NRXN3: variants seen among roughly 807,000 people sequenced by gnomAD.
NRXN3 encodes neurexin 3, also known as neurexin III.
A neutral mutation model predicts 137.6 loss-of-function variants in NRXN3; 32 were observed. The observed-to-expected ratio is 0.23, with a 90% CI of 0.18 to 0.31. The LOEUF (loss-of-function observed/expected upper bound fraction) is 0.31, where lower values mean the gene tolerates loss of function less well. NRXN3 is among the 10% of genes least tolerant of loss of function. The pLI is 1.00. For synonymous variants in NRXN3, 798 were observed against 784.5 expected (o/e 1.02, Z -0.29); for missense variants, 1,574 against 2,062.5 (o/e 0.76, Z 4.59).
chr14:78,922,975 G>A (rs1028045145), intron 10 of NRXN3, among the ~76,000 whole-genome samples: 2 of 152,244 alleles, frequency 1.3e-5, no homozygotes, highest in South Asian at 4.2e-4. Flanking sequence ...TGGTGCCTTC[G>A]CCTTGGGGGA....
At chr14:78,685,123 G>A (rs971804122) in intron 6 of NRXN3, among the ~76,000 whole-genome samples, 12 of 152,176 alleles carry the variant, frequency 7.9e-5, no homozygotes, top group Admixed American at 7.9e-4. Context: ...CAGAGGAGGA[G>A]CCATTAAAGT....
intron 15 of NRXN3, among the ~76,000 whole-genome samples, chr14:79,064,588 A>G (rs2099678334): frequency 6.7e-6 from 1 of 148,778 alleles, no homozygotes; most frequent in Non-Finnish European, 1.5e-5. Flanking sequence ...TTTGAAAAGT[A>G]AAAAGAAAAT....
intron 4 of NRXN3, among the ~76,000 whole-genome samples, chr14:78,357,085 T>C (rs1324979959): frequency 6.6e-6 from 1 of 152,088 alleles, no homozygotes; most frequent in Non-Finnish European, 1.5e-5. Flanking sequence ...GACAGGGGTG[T>C]ATTAGTCAGT....
intron 4 of NRXN3, among the ~76,000 whole-genome samples, chr14:78,539,558 C>G (rs1348690708): frequency 1.3e-5 from 2 of 152,014 alleles, no homozygotes; most frequent in African/African-American, 2.4e-5. Flanking sequence ...TTCAAAAAAC[C>G]AGCCCCTGGA....
At chr14:79,691,402 C>T (rs1402156761) in intron 17 of NRXN3, among the ~76,000 whole-genome samples, 1 of 151,910 alleles carries the variant, frequency 6.6e-6, no homozygotes, top group Non-Finnish European at 1.5e-5. Flanking sequence ...GCTAAATATA[C>T]AAAATCAGTG....
chr14:78,757,432 A>C (rs903492482), intron 8 of NRXN3, among the ~76,000 whole-genome samples: 5 of 144,958 alleles, frequency 3.4e-5, no homozygotes, highest in African/African-American at 1.3e-4. Flanking sequence ...AGGATTCTGC[A>C]TGACAAATTA....
At chr14:79,349,416 A>C (rs1228607816) in intron 15 of NRXN3, among the ~76,000 whole-genome samples, 2 of 152,062 alleles carry the variant, frequency 1.3e-5, no homozygotes, top group Non-Finnish European at 2.9e-5. Flanking sequence ...CTAGACATTA[A>C]GGAGAAAAAA....
chr14:79,764,161 TG>T lies in NRXN3; in HGVS notation c.4015-40948del, dbSNP rs201132937. Among the ~76,000 whole-genome samples the T allele has an allele frequency of 9.5e-3, 774 of 81,802 alleles. 5 individuals carry two copies. The highest frequency in any genetic ancestry group is 0.042 in the African/African-American group (726 of 17,084). 53.7% of individuals were successfully genotyped at this position (81,802 alleles called of 152,430 possible). A position where few individuals can be genotyped will look rare whatever the true frequency, so the allele number is the denominator to read the frequency against. On this transcript the variant is annotated intron_variant, in intron 19 of 20. Coordinates refer to ENST00000335750, the MANE Select transcript of NRXN3 (RefSeq NM_001330195.2). ...TTACTGGTTTTTCTTTTTCTTTTGGTGGGTGGGGGGGGTGTTAAGATCTTAT... is the reference window on the plus strand; with the variant it reads ...TTACTGGTTTTTCTTTTTCTTTTGGTGGTGGGGGGGGTGTTAAGATCTTAT...
At chr14:78,208,210 A>G (rs1376370331) in intron 1 of NRXN3, among the ~76,000 whole-genome samples, 2 of 152,208 alleles carry the variant, frequency 1.3e-5, no homozygotes, top group Non-Finnish European at 2.9e-5. Flanking sequence ...CTTATGTAGC[A>G]TTTACTACGT....
At chr14:79,165,100 C>T (rs987982543) in intron 15 of NRXN3, among the ~76,000 whole-genome samples, 2 of 151,818 alleles carry the variant, frequency 1.3e-5, no homozygotes, top group African/African-American at 2.4e-5. Flanking sequence ...TTTTAGCCAG[C>T]GGTTGGTGGT....
chr14:78,425,454 C>A (rs1273807419), intron 4 of NRXN3, among the ~76,000 whole-genome samples: 1 of 152,148 alleles, frequency 6.6e-6, no homozygotes, highest in East Asian at 1.9e-4. Context: ...TGCATATTCC[C>A]AAGCCCCACC....
At chr14:79,750,471 A>G (rs764398723) in intron 19 of NRXN3, among the ~76,000 whole-genome samples, 69 of 152,180 alleles carry the variant, frequency 4.5e-4, no homozygotes, top group Non-Finnish European at 8.1e-4. Flanking sequence ...CCCTTGTCCC[A>G]TTTGTGAATT....
intron 19 of NRXN3, among the ~76,000 whole-genome samples, chr14:79,716,792 A>G (rs1331438625): frequency 6.6e-6 from 1 of 152,166 alleles, no homozygotes; most frequent in African/African-American, 2.4e-5. Context: ...GGGTGATTAC[A>G]AAACTTTCAT....
At chr14:79,142,984 A>G (rs2078064500) in intron 15 of NRXN3, among the ~76,000 whole-genome samples, 1 of 152,226 alleles carries the variant, frequency 6.6e-6, no homozygotes, top group South Asian at 2.1e-4. Flanking sequence ...TAAAGATTAG[A>G]TTTAATTACG....
chr14:79,381,530 G>A (rs1386059033), intron 15 of NRXN3, among the ~76,000 whole-genome samples: 1 of 152,068 alleles, frequency 6.6e-6, no homozygotes, highest in Non-Finnish European at 1.5e-5. Flanking sequence ...CTCTGAGGAC[G>A]ATGAACCCCG....
At chr14:79,250,810 C>T (rs2075818077) in intron 15 of NRXN3, among the ~76,000 whole-genome samples, 1 of 152,126 alleles carries the variant, frequency 6.6e-6, no homozygotes, top group Admixed American at 6.6e-5. Flanking sequence ...GCAGTGGTGG[C>T]ATTTAAATAA....
chr14:79,769,162 G>A (rs1336452264), intron 19 of NRXN3, among the ~76,000 whole-genome samples: 2 of 148,568 alleles, frequency 1.3e-5, no homozygotes, highest in South Asian at 4.4e-4. Context: ...GTACCTGAAA[G>A]TGACCGGGAG....
intron 4 of NRXN3, among the ~76,000 whole-genome samples, chr14:78,323,460 C>T (rs528426896): frequency 5.3e-5 from 8 of 152,114 alleles, no homozygotes; most frequent in African/African-American, 1.2e-4. Context: ...TAACCCCTGC[C>T]GTGCCTGCCC....
intron 20 of NRXN3, among the ~76,000 whole-genome samples, chr14:79,840,897 C>A (rs926508996): frequency 6.6e-6 from 1 of 152,128 alleles, no homozygotes; most frequent in Non-Finnish European, 1.5e-5. Flanking sequence ...TTTGATCATA[C>A]TCATTTGTTT....
Sources: allele counts gnomAD v4.1 joint callset (sites outside exome capture counted in the v4.1 genomes callset), GRCh38; gene constraint gnomAD v4.1.1; transcripts MANE v1.5; gene names NCBI Gene and HGNC (gene_info 2026-07-23, HGNC 2026-07-21).